ELMO1: variants seen among roughly 807,000 people sequenced by gnomAD.
The protein encoded by ELMO1 is engulfment and cell motility protein 1.
ELMO1 carries 26 observed loss-of-function variants against 98.9 expected under a neutral mutation model. The ratio of observed to expected loss-of-function variants is 0.26; its 90% CI spans 0.19 to 0.36. ELMO1 has a LOEUF of 0.36. ELMO1 is among the 10% of genes least tolerant of loss of function. ELMO1 has a pLI of 1.00. For missense variants in ELMO1, 627 were observed against 935.2 expected (o/e 0.67, Z 4.30); for synonymous variants, 346 against 346.0 (o/e 1.00, Z 0.00).
chr7:36,990,416 G>A (rs998978840), intron 16 of ELMO1, among the ~76,000 whole-genome samples: 1 of 152,078 alleles, frequency 6.6e-6, no homozygotes, highest in African/African-American at 2.4e-5. Flanking sequence ...ATGATAGGTA[G>A]CCTATCATCC....
rs376919231 is a variant in ELMO1, at chr7:37,204,532, T to A, written c.1086+6854A>T. ...CCCAAAGAGTGAGCAGCAGCAAGAT[T>A]TATTGCAAAGAGCAAAAGAACAAAG... On this transcript the variant is annotated intron_variant, in intron 13 of 21. Transcript: ENST00000310758. Among the ~76,000 whole-genome samples the A allele has an allele frequency of 9.2e-5, 14 of 152,288 alleles. No individual in the cohort carries two copies. The East Asian group carries it at 1.7e-3, about 19-fold the overall frequency.
chr7:37,127,482 G>A (rs1188899980), intron 14 of ELMO1, among the ~76,000 whole-genome samples: 1 of 152,112 alleles, frequency 6.6e-6, no homozygotes, highest in African/African-American at 2.4e-5. Context: ...CTGGCTGTTT[G>A]ACAGACCAAA....
chr7:36,998,036 G>A (rs1448025908), intron 16 of ELMO1: 2 of 152,114 alleles, frequency 1.3e-5, no homozygotes, highest in African/African-American at 4.8e-5. Flanking sequence ...GACAGAGATT[G>A]GATAAGAACT....
In ELMO1 at chr7:37,128,446, C is replaced by T. The variant is rs148492468; in HGVS notation, c.1191+4684G>A. Among the ~76,000 whole-genome samples, 805 of 152,250 alleles carry T rather than the reference C, an allele frequency of 5.3e-3. 5 individuals carry two copies. Among genetic ancestry groups the T allele is most frequent in the Non-Finnish European group, 8.5e-3 (576 of 68,018 alleles). On this transcript the variant is annotated intron_variant, in intron 14 of 21. Coordinates refer to ENST00000310758, the MANE Select transcript of ELMO1 (RefSeq NM_014800.11). ...AATTATACCCAGAGTAAGTAAGACT[C>T]GGAAGTCTGAAATCATGCTATGCCT...
chr7:37,049,066 T>C (rs1378904127), intron 15 of ELMO1, among the ~76,000 whole-genome samples: 2 of 152,190 alleles, frequency 1.3e-5, no homozygotes, highest in East Asian at 3.9e-4. Flanking sequence ...TTAATTTCTT[T>C]TTAACTTGTT....
chr7:37,120,685 C>T (rs1004465733), intron 14 of ELMO1, among the ~76,000 whole-genome samples: 3 of 152,332 alleles, frequency 2.0e-5, no homozygotes, highest in African/African-American at 7.2e-5. Context: ...CCTCTGTAGA[C>T]TCCACCTCTG....
rs74639416 is a variant in ELMO1, at chr7:37,084,424, C to A, written c.1300+12195G>T. 9.0e-3 allele frequency among the ~76,000 whole-genome samples: 1,372 copies of A among 152,260 alleles called. 6 individuals are homozygous for A. The highest frequency in any genetic ancestry group is 0.014 in the Middle Eastern group (4 of 294). ...ACTGTGCTAGAAGTTAAGATGGAAG[C>A]TGAATTCACTAAGAGTCTAGTCCTC... On this transcript the variant is annotated intron_variant, in intron 15 of 21. Coordinates refer to ENST00000310758, the MANE Select transcript of ELMO1 (RefSeq NM_014800.11).
rs142698017 is a variant in ELMO1 at position 36,877,983 on chromosome 7, A to G, written c.1822+27T>C. The G allele has an allele frequency of 5.7e-5, 90 of 1,565,756 alleles. No individual in the cohort carries two copies. The African/African-American group carries it at 1.0e-3, about 18-fold the overall frequency. ...GGAAACAACCAACCGACCACCACTC[A>G]GGCCTCTGCCAAGGAGAGCTACTTA... On this transcript the variant is annotated intron_variant, in intron 19 of 21. Coordinates refer to ENST00000310758, the MANE Select transcript of ELMO1 (RefSeq NM_014800.11).
intron 1 of ELMO1, among the ~76,000 whole-genome samples, chr7:37,390,407 C>A (rs1349191704): frequency 6.6e-6 from 1 of 152,102 alleles, no homozygotes; most frequent in Non-Finnish European, 1.5e-5. Context: ...CTGACAAAGA[C>A]ACAGGTCAGT....
chr7:37,091,045 A>C (rs1784055287), intron 15 of ELMO1, among the ~76,000 whole-genome samples: 1 of 152,202 alleles, frequency 6.6e-6, no homozygotes. Flanking sequence ...AAAGAGAGTA[A>C]TTGATCCATT....
chr7:37,249,953 C>G (rs73110808), intron 6 of ELMO1, among the ~76,000 whole-genome samples: 183 of 152,222 alleles, frequency 1.2e-3, no homozygotes, highest in Middle Eastern at 3.4e-3. Context: ...GTGGTGGCAC[C>G]TGTAGTCCCT....
intron 16 of ELMO1, among the ~76,000 whole-genome samples, chr7:36,925,170 T>C (rs187255683): frequency 1.2e-4 from 19 of 152,298 alleles, no homozygotes; most frequent in African/African-American, 3.4e-4. Flanking sequence ...GCATCCACCC[T>C]TGCATGCACC....
At chr7:37,048,214 C>A (rs1475582488) in intron 15 of ELMO1, among the ~76,000 whole-genome samples, 1 of 152,214 alleles carries the variant, frequency 6.6e-6, no homozygotes, top group African/African-American at 2.4e-5. Flanking sequence ...GTAGCACCCC[C>A]ACAAGTTGGG....
At chr7:36,937,776 CT>C (rs1385913677) in intron 16 of ELMO1, among the ~76,000 whole-genome samples, 1 of 152,176 alleles carries the variant, frequency 6.6e-6, no homozygotes, top group Non-Finnish European at 1.5e-5. Flanking sequence ...TAATGGTTTG[CT>C]CAGTCTTTTT....
intron 17 of ELMO1, among the ~76,000 whole-genome samples, chr7:36,888,334 T>A (rs967895530): frequency 6.6e-6 from 1 of 152,164 alleles, no homozygotes; most frequent in Non-Finnish European, 1.5e-5. Context: ...TAGAGTGAAA[T>A]GGTTTTCAAA....
intron 13 of ELMO1, among the ~76,000 whole-genome samples, chr7:37,154,067 G>A (rs1157354985): frequency 3.9e-5 from 6 of 152,178 alleles, no homozygotes; most frequent in South Asian, 2.1e-4. Flanking sequence ...TGAAGCTGAG[G>A]GGCCTGTCTG....
intron 6 of ELMO1, among the ~76,000 whole-genome samples, chr7:37,252,371 T>C (rs1394640683): frequency 6.6e-6 from 1 of 152,168 alleles, no homozygotes; most frequent in Non-Finnish European, 1.5e-5. Flanking sequence ...ATAGTACTGG[T>C]ACCAAAACAG....
intron 1 of ELMO1, among the ~76,000 whole-genome samples, chr7:37,422,478 A>G (rs1286244804): frequency 6.6e-6 from 1 of 152,228 alleles, no homozygotes; most frequent in Non-Finnish European, 1.5e-5. Context: ...TTAATAGAGA[A>G]GCTCGTGTGG....
intron 1 of ELMO1, among the ~76,000 whole-genome samples, chr7:37,396,355 C>T (rs1562664433): frequency 6.6e-6 from 1 of 151,754 alleles, no homozygotes; most frequent in Non-Finnish European, 1.5e-5. Context: ...GTTCAAGACC[C>T]CTGGGCAACA....
Sources: gnomAD v4.1 joint callset for allele counts (sites outside exome capture counted in the v4.1 genomes callset) on GRCh38, gnomAD v4.1.1 for gene constraint, MANE v1.5 for transcripts, NCBI Gene and HGNC (gene_info 2026-07-23, HGNC 2026-07-21) for gene names.